Variants in MPRIP observed in about 807,000 individuals in gnomAD.
MPRIP encodes the protein myosin phosphatase Rho-interacting protein.
MPRIP carries 59 observed loss-of-function variants against 234.9 expected under a neutral mutation model. The observed-to-expected ratio is 0.25, with a 90% confidence interval of 0.20 to 0.31. The LOEUF is 0.31. Among genes scored for constraint, MPRIP ranks in the 10% least tolerant of loss-of-function variants. The probability of loss-of-function intolerance (pLI) is 1.00; values close to 1 mark genes in which losing one functional copy is unlikely to be tolerated. For synonymous variants in MPRIP, 1,144 were observed against 1,263.9 expected (o/e 0.91, Z 2.01); for missense variants, 2,436 against 3,071.0 (o/e 0.79, Z 4.89).
chr17:17,164,423 C>T lies in MPRIP; in HGVS notation c.2832C>T (p.Ser944=), dbSNP rs1221220386. The T allele has an allele frequency of 3.1e-6, 4 of 1,272,004 alleles. No homozygotes were observed. The highest frequency in any genetic ancestry group is 3.1e-6 in the Non-Finnish European group (3 of 978,154). The allele number at this position is 1,272,004 out of a possible 1,614,324, so 78.8% of individuals were successfully genotyped here. A position where few individuals can be genotyped will look rare whatever the true frequency, so the allele number is the denominator to read the frequency against. Residue 944 remains serine, a synonymous_variant, in exon 16 of 24, where the codon AGC becomes AGT. Transcript: ENST00000651222. ...AGCAGCTGGAGGAGCGGCAACACAG[C>T]GAGGCGGCGCTGAGCAGCCAGCTGA... ...VREQLEERQH[S]EAALSSQLRA... is the part of the protein sequence containing the mutation.
chr17:17,077,794 A>G (rs749438864), intron 2 of MPRIP: 1 of 523,670 alleles, frequency 1.9e-6, no homozygotes, highest in Non-Finnish European at 3.4e-6. Flanking sequence ...AGCCTCAATC[A>G]CTCATGTGAT....
Position 17,070,614 on chromosome 17 carries a change from G to A in MPRIP, c.124-5096G>A, listed in dbSNP as rs930882286. Among the ~76,000 whole-genome samples, 6 of 152,170 alleles carry A rather than the reference G, an allele frequency of 3.9e-5. No individual in the cohort carries two copies. The East Asian group carries it at 9.6e-4, about 24-fold the overall frequency. The stretch of plus-strand genomic sequence containing the variant: ...TCAGGATTTTTGTTTGGTTCTTACA[G>A]CTTCTATTTCTTTGCTGTCTTTCCC... On this transcript the variant is annotated intron_variant, in intron 1 of 23. Coordinates refer to ENST00000651222, the MANE Select transcript of MPRIP (RefSeq NM_001364716.4).
At chr17:17,046,024 CT>C (rs1269511666) in intron 1 of MPRIP, among the ~76,000 whole-genome samples, 1 of 152,162 alleles carries the variant, frequency 6.6e-6, no homozygotes, top group African/African-American at 2.4e-5. Context: ...CCAGGATGGT[CT>C]TGATCTCCTG....
chr17:17,046,056 C>T (rs2088339868), intron 1 of MPRIP, among the ~76,000 whole-genome samples: 1 of 152,204 alleles, frequency 6.6e-6, no homozygotes, highest in Non-Finnish European at 1.5e-5. Flanking sequence ...CCGCCTGCCT[C>T]GGCCTCCCAA....
intron 3 of MPRIP, among the ~76,000 whole-genome samples, chr17:17,106,907 G>A (rs964829582): frequency 9.9e-5 from 15 of 152,204 alleles, no homozygotes; most frequent in African/African-American, 3.4e-4. Context: ...AGAGGCAGAT[G>A]AGAGCATCCA....
chr17:17,066,384 T>A (rs563221008), intron 1 of MPRIP, among the ~76,000 whole-genome samples: 1 of 152,216 alleles, frequency 6.6e-6, no homozygotes, highest in African/African-American at 2.4e-5. Context: ...TTTTTCTGCA[T>A]CAGTTGATAG....
intron 1 of MPRIP, among the ~76,000 whole-genome samples, chr17:17,074,300 C>T (rs1207114187): frequency 6.6e-6 from 1 of 152,232 alleles, no homozygotes; most frequent in East Asian, 1.9e-4. Flanking sequence ...TTCTCGCCAG[C>T]TGGGTGTGGC....
chr17:17,072,724 T>C (rs2089227293), intron 1 of MPRIP, among the ~76,000 whole-genome samples: 1 of 152,026 alleles, frequency 6.6e-6, no homozygotes, highest in African/African-American at 2.4e-5. Flanking sequence ...GGTGGTGATA[T>C]AGCTGGCCAG....
chr17:17,131,308 G>C (rs2090591895), intron 4 of MPRIP, among the ~76,000 whole-genome samples: 1 of 152,236 alleles, frequency 6.6e-6, no homozygotes, highest in African/African-American at 2.4e-5. Context: ...CACTCTGGGA[G>C]AGCAGTGTTA....
chr17:17,125,379 C>T (rs72837945), intron 3 of MPRIP, among the ~76,000 whole-genome samples: 4,842 of 152,296 alleles, frequency 0.032, 97 homozygotes, highest in Non-Finnish European at 0.051. Context: ...GTCCAGAGAC[C>T]CCACAAGGAA....
chr17:17,169,743 A>G (rs1389554735), intron 16 of MPRIP, among the ~76,000 whole-genome samples: 1 of 152,200 alleles, frequency 6.6e-6, no homozygotes, highest in Non-Finnish European at 1.5e-5. Flanking sequence ...CTTTATGCAG[A>G]TTTCCACTTG....
chr17:17,067,173 C>T (rs190913424), intron 1 of MPRIP, among the ~76,000 whole-genome samples: 5 of 152,242 alleles, frequency 3.3e-5, no homozygotes, highest in African/African-American at 7.2e-5. Context: ...TCAATTTCAG[C>T]GATAGAAGAT....
chr17:17,058,032 CAG>C (rs1357227072), intron 1 of MPRIP: 12 of 298,682 alleles, frequency 4.0e-5, no homozygotes, highest in Non-Finnish European at 6.3e-5. Context: ...ATCCCTTTCA[CAG>C]AGGTGACCTG....
intron 7 of MPRIP, among the ~76,000 whole-genome samples, chr17:17,140,488 G>C (rs2090789749): frequency 6.6e-6 from 1 of 152,130 alleles, no homozygotes; most frequent in African/African-American, 2.4e-5. Flanking sequence ...CTGCTCACTG[G>C]ATCCCTAGTA....
At chr17:17,173,618 G>T (rs1259089195) in intron 18 of MPRIP, among the ~76,000 whole-genome samples, 1 of 152,120 alleles carries the variant, frequency 6.6e-6, no homozygotes, top group Non-Finnish European at 1.5e-5. Flanking sequence ...CAAATTCTGA[G>T]TCAGAAGAGA....
intron 3 of MPRIP, among the ~76,000 whole-genome samples, chr17:17,085,148 G>A (rs1339580786): frequency 6.6e-6 from 1 of 152,176 alleles, no homozygotes; most frequent in Non-Finnish European, 1.5e-5. Flanking sequence ...GTACCTTAGG[G>A]AGGGCTTGTT....
At position 17,167,727 on chromosome 17, in the gene MPRIP, C is replaced by G; in HGVS notation, c.6136C>G (p.Leu2046Val). The G allele has an allele frequency of 3.1e-6, 4 of 1,304,178 alleles. No individual in the cohort carries two copies. Among genetic ancestry groups the G allele is most frequent in the Non-Finnish European group, 4.0e-6 (4 of 988,958 alleles). 80.8% of individuals were successfully genotyped at this position (1,304,178 alleles called of 1,614,324 possible). Residue 2046 changes from leucine to valine, a missense_variant, in exon 16 of 24, where the codon CTG becomes GTG. Around this residue, in one of 4 missense-constraint regions of MPRIP, gnomAD observed 1,998 missense variants for 2,520.3 expected, o/e 0.79. Transcript: ENST00000651222. This position sits in a 1 kb window ranked among gnomAD's most constrained non-coding sequence, Gnocchi z 5.9. The stretch of plus-strand genomic sequence containing the variant: ...CCACCAGGGGCCACACCCCAAGGCC[C>G]TGCCAGCCCCTGCCCCCAACTGGCA... ...CLHQGPHPKA[L>V]PAPAPNWQAT...
At chr17:17,102,221 C>T (rs1333767807) in intron 3 of MPRIP, among the ~76,000 whole-genome samples, 3 of 152,092 alleles carry the variant, frequency 2.0e-5, no homozygotes, top group East Asian at 1.9e-4. Flanking sequence ...CTCCTGTCTG[C>T]GTTACCCATA....
intron 1 of MPRIP, among the ~76,000 whole-genome samples, chr17:17,067,604 C>A (rs2143978201): frequency 6.6e-6 from 1 of 152,220 alleles, no homozygotes; most frequent in Middle Eastern, 3.4e-3. Context: ...GTAAGGGAAA[C>A]CGTGGAACTG....
Sources: gnomAD v4.1 joint callset for allele counts (sites outside exome capture counted in the v4.1 genomes callset) on GRCh38, gnomAD v4.1.1 for gene constraint, gnomAD v4.1.1 regional missense constraint, Gnocchi (gnomAD v3.1) non-coding constraint, MANE v1.5 for transcripts, NCBI Gene and HGNC (gene_info 2026-07-23, HGNC 2026-07-21) for gene names.